Variants in KCNMB2 observed in about 807,000 individuals in gnomAD.
KCNMB2 encodes the protein potassium calcium-activated channel subfamily M regulatory beta subunit 2, also known as calcium-activated potassium channel subunit beta-2.
KCNMB2 carries 9 observed loss-of-function variants against 24.5 expected under a neutral mutation model. The observed-to-expected ratio is 0.37, with a 90% CI of 0.22 to 0.64. KCNMB2 has a LOEUF of 0.64. Ranked by LOEUF, KCNMB2 falls within the 30% of genes least tolerant of loss-of-function variation. The pLI is 0.63. For synonymous variants in KCNMB2, 109 were observed against 104.4 expected, an observed-to-expected ratio of 1.04 and a Z score of -0.27; for missense variants, 226 against 284.3, an observed-to-expected ratio of 0.79 and a Z score of 1.47.
chr3:178,824,280 T>C (rs1207729425), intron 2 of KCNMB2, among the ~76,000 whole-genome samples: 1 of 152,220 alleles, frequency 6.6e-6, no homozygotes, highest in East Asian at 1.9e-4. Context: ...TAGTAGCAAT[T>C]TTAGGATGTT....
chr3:178,540,303 A>G (rs1715573699), intron 1 of KCNMB2, among the ~76,000 whole-genome samples: 1 of 152,208 alleles, frequency 6.6e-6, no homozygotes, highest in South Asian at 2.1e-4. Context: ...TGGGCAAGTC[A>G]CTACCAACTC....
intron 2 of KCNMB2, among the ~76,000 whole-genome samples, chr3:178,817,289 C>A (rs1714446790): frequency 6.7e-6 from 1 of 149,072 alleles, no homozygotes; most frequent in Admixed American, 6.7e-5. Flanking sequence ...ATGAAATGTA[C>A]ACATTAAAAG....
At chr3:178,680,687 G>T (rs1399885739) in intron 1 of KCNMB2, among the ~76,000 whole-genome samples, 1 of 151,936 alleles carries the variant, frequency 6.6e-6, no homozygotes, top group African/African-American at 2.4e-5. Flanking sequence ...TGTACACAAG[G>T]GACACCACGC....
intron 1 of KCNMB2, among the ~76,000 whole-genome samples, chr3:178,797,639 G>A (rs944545134): frequency 3.3e-5 from 5 of 152,266 alleles, no homozygotes; most frequent in Middle Eastern, 3.4e-3. Flanking sequence ...TGATCATTTC[G>A]ACTGATGTTG....
At chr3:178,825,890 A>T (rs1205108961) in intron 3 of KCNMB2, 132 bp downstream of exon 3, 4 of 620,186 alleles carry the variant, frequency 6.4e-6, no homozygotes, top group Non-Finnish European at 1.1e-5. Flanking sequence ...CTGGTAAATA[A>T]TACTTTTCAA....
At chr3:178,563,479 T>G (rs1716397956) in intron 1 of KCNMB2, among the ~76,000 whole-genome samples, 1 of 152,132 alleles carries the variant, frequency 6.6e-6, no homozygotes, top group Non-Finnish European at 1.5e-5. Flanking sequence ...GGTCCAGGCC[T>G]AGATGGTTCT....
chr3:178,740,771 A>T (rs1723469942), intron 1 of KCNMB2, among the ~76,000 whole-genome samples: 2 of 152,212 alleles, frequency 1.3e-5, no homozygotes, highest in African/African-American at 4.8e-5. Context: ...CATGTTGAGC[A>T]CCTGCCATCT....
At chr3:178,686,263 A>T (rs1387135832) in intron 1 of KCNMB2, among the ~76,000 whole-genome samples, 1 of 152,212 alleles carries the variant, frequency 6.6e-6, no homozygotes, top group Non-Finnish European at 1.5e-5. Context: ...GGCATGGGAG[A>T]CTTCATAAAG....
chr3:178,624,586 CT>C (rs901370186), intron 1 of KCNMB2, among the ~76,000 whole-genome samples: 9 of 80,192 alleles, frequency 1.1e-4, no homozygotes, highest in African/African-American at 7.2e-4. Flanking sequence ...TCTATTTTTT[CT>C]TTTTTTCTTT....
At chr3:178,807,260 G>A (rs1024105516) in intron 1 of KCNMB2, 83 bp from the exon 2 acceptor site, 16 of 565,204 alleles carry the variant, frequency 2.8e-5, no homozygotes, top group Non-Finnish European at 4.0e-5. Flanking sequence ...CTGCCCCTAT[G>A]GAATCAAAAC....
chr3:178,583,620 T>A (rs186786387), intron 1 of KCNMB2, among the ~76,000 whole-genome samples: 2 of 152,288 alleles, frequency 1.3e-5, no homozygotes, highest in East Asian at 3.9e-4. Flanking sequence ...GAATAAAAAT[T>A]TCCTTTTCAC....
intron 4 of KCNMB2, among the ~76,000 whole-genome samples, chr3:178,839,074 AG>A (rs1715335794): frequency 1.3e-5 from 2 of 152,184 alleles, no homozygotes; most frequent in Non-Finnish European, 2.9e-5. Flanking sequence ...TGATTACATA[AG>A]GGGCAGGACA....
intron 1 of KCNMB2, chr3:178,748,452 T>C (rs560357170): frequency 1.3e-5 from 2 of 152,308 alleles, no homozygotes; most frequent in South Asian, 2.1e-4. Context: ...ACTGGAGTGT[T>C]GGAGAAAAGA....
intron 1 of KCNMB2, among the ~76,000 whole-genome samples, chr3:178,679,352 T>C (rs1721189498): frequency 6.6e-6 from 1 of 152,192 alleles, no homozygotes; most frequent in Non-Finnish European, 1.5e-5. Flanking sequence ...TGCCTCAGCC[T>C]TCTGAGTAGC....
intron 1 of KCNMB2, among the ~76,000 whole-genome samples, chr3:178,711,265 C>T (rs189056975): frequency 2.6e-5 from 4 of 152,200 alleles, no homozygotes; most frequent in Admixed American, 2.0e-4. Context: ...TGTATATTTG[C>T]AAATATTTTA....
At chr3:178,599,468 C>G (rs1349786647) in intron 1 of KCNMB2, among the ~76,000 whole-genome samples, 1 of 152,070 alleles carries the variant, frequency 6.6e-6, no homozygotes, top group Non-Finnish European at 1.5e-5. Flanking sequence ...TATGTGCTAT[C>G]AAAACAATAC....
intron 1 of KCNMB2, among the ~76,000 whole-genome samples, chr3:178,566,147 A>C (rs562186304): frequency 6.6e-6 from 1 of 152,306 alleles, no homozygotes; most frequent in South Asian, 2.1e-4. Context: ...AAGTAATAAC[A>C]CTTAGATGTT....
intron 1 of KCNMB2, among the ~76,000 whole-genome samples, chr3:178,700,866 A>G (rs1038982637): frequency 2.0e-5 from 3 of 152,160 alleles, no homozygotes; most frequent in South Asian, 4.1e-4. Flanking sequence ...GCCCTTTGTC[A>G]GATGAGTAGA....
intron 1 of KCNMB2, among the ~76,000 whole-genome samples, chr3:178,601,829 G>T (rs1401866048): frequency 6.6e-6 from 1 of 152,156 alleles, no homozygotes; most frequent in Non-Finnish European, 1.5e-5. Flanking sequence ...GCACTCTCAG[G>T]CAATTAGCTG....
Sources: allele counts gnomAD v4.1 joint callset (sites outside exome capture counted in the v4.1 genomes callset), GRCh38; gene constraint gnomAD v4.1.1; transcripts MANE v1.5; gene names NCBI Gene and HGNC (gene_info 2026-07-23, HGNC 2026-07-21).